The following PTPRN2 variants were observed in gnomAD, a reference collection of about 807,000 sequenced individuals.
PTPRN2 encodes protein tyrosine phosphatase receptor type N2.
A neutral mutation model predicts 118.8 loss-of-function variants in PTPRN2; 74 were observed. That is an observed-to-expected ratio of 0.62 (90% confidence interval 0.52 to 0.76). The LOEUF (loss-of-function observed/expected upper bound fraction) is 0.76, where lower values mean the gene tolerates loss of function less well. PTPRN2 is among the 30% of genes least tolerant of loss of function. PTPRN2 has a pLI of 0.00. For synonymous variants in PTPRN2, 641 were observed against 608.0 expected, an observed-to-expected ratio of 1.05 and a Z score of -0.80; for missense variants, 1,481 against 1,394.4, an observed-to-expected ratio of 1.06 and a Z score of -0.99.
chr7:157,938,852 C>T (rs891912339), intron 11 of PTPRN2, among the ~76,000 whole-genome samples: 2 of 152,158 alleles, frequency 1.3e-5, no homozygotes, highest in Non-Finnish European at 2.9e-5. Flanking sequence ...TTAAATCTAC[C>T]GGAGTGGCCC....
intron 11 of PTPRN2, among the ~76,000 whole-genome samples, chr7:157,900,629 C>T (rs1797385800): frequency 2.0e-5 from 3 of 152,326 alleles, no homozygotes; most frequent in African/African-American, 4.8e-5. Context: ...ATTCTCCGTC[C>T]CCTGCCAGGA....
intron 11 of PTPRN2, among the ~76,000 whole-genome samples, chr7:158,070,520 C>CA: frequency 1.4e-5 from 1 of 73,246 alleles, no homozygotes; most frequent in East Asian, 4.2e-4. Flanking sequence ...GGAGGTGCTC[C>CA]TGGTGGTGGA....
chr7:158,433,059 G>A (rs1031129428), intron 2 of PTPRN2, among the ~76,000 whole-genome samples: 1 of 152,332 alleles, frequency 6.6e-6, no homozygotes, highest in Middle Eastern at 3.4e-3. Flanking sequence ...CTGCTCTCCT[G>A]AATCCGGCTT....
intron 2 of PTPRN2, among the ~76,000 whole-genome samples, chr7:158,474,254 C>T (rs1209891642): frequency 6.6e-6 from 1 of 152,192 alleles, no homozygotes; most frequent in Non-Finnish European, 1.5e-5. Flanking sequence ...GCGGAGTAAA[C>T]CGGGAGATTC....
chr7:158,318,104 C>T (rs2040874381), intron 2 of PTPRN2, among the ~76,000 whole-genome samples: 1 of 152,106 alleles, frequency 6.6e-6, no homozygotes, highest in Non-Finnish European at 1.5e-5. Flanking sequence ...CCTGCGAGGC[C>T]ACACAAAGGC....
intron 3 of PTPRN2, among the ~76,000 whole-genome samples, chr7:158,271,760 TC>T (rs1798529502): frequency 6.6e-6 from 1 of 152,136 alleles, no homozygotes; most frequent in African/African-American, 2.4e-5. Flanking sequence ...GGTTGGGCCT[TC>T]CCCTGTCATC....
Position 158,015,495 on chromosome 7 carries a change from G to C in PTPRN2, c.1723+65803C>G, listed in dbSNP as rs1228293141. On this transcript the variant is annotated intron_variant, in intron 11 of 22. Transcript: ENST00000389418. This position sits in a 1 kb window ranked among gnomAD's most constrained non-coding sequence, Gnocchi z 4.2. ...AGGAAGAGAGGGAGAGAGGGAGAGA[G>C]GGAGATAGAGGGAGGGGTGGGAGGA... Among the ~76,000 whole-genome samples the C allele has an allele frequency of 4.6e-5, 7 of 151,742 alleles. No individual in the cohort carries two copies. Among genetic ancestry groups the C allele is most frequent in the African/African-American group, 1.7e-4 (7 of 41,240 alleles).
intron 6 of PTPRN2, among the ~76,000 whole-genome samples, chr7:158,141,644 T>C (rs1325876047): frequency 6.6e-6 from 1 of 152,156 alleles, no homozygotes; most frequent in Non-Finnish European, 1.5e-5. Context: ...GTGTTTTGCT[T>C]CATTTCTGAA....
intron 11 of PTPRN2, among the ~76,000 whole-genome samples, chr7:158,001,680 T>C (rs1343852832): frequency 6.6e-6 from 1 of 152,202 alleles, no homozygotes; most frequent in Non-Finnish European, 1.5e-5. Flanking sequence ...CCTGTCATGA[T>C]GCCAACTCCC....
chr7:158,166,569 CTGG>C (rs879644939), intron 6 of PTPRN2, among the ~76,000 whole-genome samples: 97 of 151,962 alleles, frequency 6.4e-4, no homozygotes, highest in South Asian at 1.5e-3. Flanking sequence ...CCTCCTCCCC[CTGG>C]CCGCCGCGTT....
At chr7:158,523,585 GGAGTCATCTGCCCTGGAGCA>G (rs1563392961) in intron 1 of PTPRN2, among the ~76,000 whole-genome samples, 2 of 129,164 alleles carry the variant, frequency 1.5e-5, no homozygotes, top group African/African-American at 3.1e-5. Flanking sequence ...GCCCTGGAGT[GGAGTCATCTGCCCTGGAGCA>G]GAGTCTGCCC....
chr7:157,564,189 T>C (rs542174178), intron 21 of PTPRN2, among the ~76,000 whole-genome samples: 8 of 152,328 alleles, frequency 5.3e-5, no homozygotes, highest in Admixed American at 5.2e-4. Flanking sequence ...TGGAGCGCAA[T>C]GGTGCGATCT....
intron 4 of PTPRN2, among the ~76,000 whole-genome samples, chr7:158,204,932 G>C (rs1324884292): frequency 6.6e-6 from 1 of 152,136 alleles, no homozygotes; most frequent in Non-Finnish European, 1.5e-5. Context: ...TTTTCTAAGA[G>C]TCTCATGGAA....
chr7:158,473,898 G>A (rs1373850724), intron 2 of PTPRN2, among the ~76,000 whole-genome samples: 2 of 152,160 alleles, frequency 1.3e-5, no homozygotes, highest in Non-Finnish European at 2.9e-5. Flanking sequence ...ATAAATCTCA[G>A]ATATTAACAT....
chr7:158,277,157 G>A (rs542698493), intron 3 of PTPRN2, among the ~76,000 whole-genome samples: 14 of 151,340 alleles, frequency 9.3e-5, no homozygotes, highest in African/African-American at 2.4e-4. Flanking sequence ...GCACATACAC[G>A]TGCACATAAA....
At chr7:158,261,209 G>A (rs1283853984) in intron 3 of PTPRN2, among the ~76,000 whole-genome samples, 1 of 152,164 alleles carries the variant, frequency 6.6e-6, no homozygotes, top group African/African-American at 2.4e-5. Flanking sequence ...CAGAGAGCAG[G>A]TGGCAGAGGC....
At chr7:158,386,507 A>T (rs1013764659) in intron 2 of PTPRN2, among the ~76,000 whole-genome samples, 5 of 152,184 alleles carry the variant, frequency 3.3e-5, no homozygotes, top group Non-Finnish European at 7.4e-5. Flanking sequence ...GGACCAGGGT[A>T]TGCACTTTTC....
At chr7:157,943,200 C>T (rs537198146) in intron 11 of PTPRN2, among the ~76,000 whole-genome samples, 8 of 152,162 alleles carry the variant, frequency 5.3e-5, no homozygotes, top group Non-Finnish European at 1.0e-4. Flanking sequence ...GCCGCATCCT[C>T]GCACATCTCA....
chr7:158,259,659 C>T (rs931236815), intron 3 of PTPRN2, among the ~76,000 whole-genome samples: 3 of 152,184 alleles, frequency 2.0e-5, no homozygotes, highest in Non-Finnish European at 4.4e-5. Context: ...TCCATGTGTC[C>T]CTGTGTGTAC....
Sources: gnomAD v4.1 joint callset for allele counts (sites outside exome capture counted in the v4.1 genomes callset) on GRCh38, gnomAD v4.1.1 for gene constraint, Gnocchi (gnomAD v3.1) non-coding constraint, MANE v1.5 for transcripts, NCBI Gene and HGNC (gene_info 2026-07-23, HGNC 2026-07-21) for gene names.